Variants in ARHGAP10 observed in about 807,000 individuals in gnomAD.
The protein encoded by ARHGAP10 is rho GTPase-activating protein 10.
In ARHGAP10, 87 loss-of-function variants were observed where a neutral mutation model predicts 108.6. The ratio of observed to expected loss-of-function variants is 0.80; its 90% CI spans 0.67 to 0.96. The LOEUF (loss-of-function observed/expected upper bound fraction) is 0.96, where lower values mean the gene tolerates loss of function less well. ARHGAP10 is among the 40% of genes least tolerant of loss of function. The pLI is 0.00. For missense variants in ARHGAP10, 939 were observed against 954.5 expected, an observed-to-expected ratio of 0.98 and a Z score of 0.21; for synonymous variants, 347 against 341.1, an observed-to-expected ratio of 1.02 and a Z score of -0.19.
chr4:147,777,425 A>C (rs1730345443), intron 1 of ARHGAP10, among the ~76,000 whole-genome samples: 1 of 151,676 alleles, frequency 6.6e-6, no homozygotes, highest in Non-Finnish European at 1.5e-5. Context: ...TGCCTGGCTA[A>C]TTTTTTTGTA....
intron 1 of ARHGAP10, among the ~76,000 whole-genome samples, chr4:147,740,416 G>A (rs1361791204): frequency 1.3e-5 from 2 of 152,142 alleles, no homozygotes; most frequent in African/African-American, 4.8e-5. Flanking sequence ...TCTCTGTAAA[G>A]GGGTGTAACC....
chr4:147,755,148 A>G (rs139769653), intron 1 of ARHGAP10, among the ~76,000 whole-genome samples: 1 of 152,292 alleles, frequency 6.6e-6, no homozygotes, highest in East Asian at 1.9e-4. Context: ...AGGATATAAT[A>G]AAAGCAAACT....
rs973719993 is a variant in ARHGAP10 at position 148,023,080 on chromosome 4, T to A, written c.1717-183T>A. 27 of 524,606 alleles carry A rather than the reference T, an allele frequency of 5.1e-5. No homozygotes were observed. The Middle Eastern group carries it at 1.5e-3, about 30-fold the overall frequency. The allele number at this position is 524,606 out of a possible 1,614,324, so 32.5% of individuals were successfully genotyped here. A position where few individuals can be genotyped will look rare whatever the true frequency, so the allele number is the denominator to read the frequency against. On this transcript the variant is annotated intron_variant, in intron 18 of 22. Transcript: ENST00000336498. ...TTAAATTTAATCAGAGATTTTATTT[T>A]GGAATCTTCTGTTAAAAAAATAAAA...
chr4:147,888,705 T>C (rs1735672654), intron 10 of ARHGAP10, among the ~76,000 whole-genome samples: 1 of 152,330 alleles, frequency 6.6e-6, no homozygotes, highest in Admixed American at 6.5e-5. Flanking sequence ...GAGAAACATC[T>C]ATTCTGGTTT....
intron 1 of ARHGAP10, among the ~76,000 whole-genome samples, chr4:147,766,662 A>G (rs1249439706): frequency 3.6e-5 from 5 of 140,234 alleles, no homozygotes; most frequent in Non-Finnish European, 7.7e-5. Context: ...ACACACACCC[A>G]CACACACTGC....
chr4:148,063,537 C>G (rs751266470), intron 21 of ARHGAP10, among the ~76,000 whole-genome samples: 15 of 152,194 alleles, frequency 9.9e-5, no homozygotes, highest in Non-Finnish European at 1.0e-4. Context: ...CCTACTCTGT[C>G]TTTGTGGTGC....
intron 19 of ARHGAP10, among the ~76,000 whole-genome samples, chr4:148,024,239 C>T (rs1347218223): frequency 6.6e-6 from 1 of 152,214 alleles, no homozygotes; most frequent in Non-Finnish European, 1.5e-5. Flanking sequence ...AGGCCTTCCT[C>T]TTATTGAGAA....
At chr4:147,839,092 G>GTATCTATC (rs139337846) in intron 3 of ARHGAP10, among the ~76,000 whole-genome samples, 227 of 143,892 alleles carry the variant, frequency 1.6e-3, no homozygotes, top group African/African-American at 4.4e-3. Flanking sequence ...TAGATCTATC[G>GTATCTATC]TATCTATCTA....
chr4:148,062,784 AG>A (rs1369944731), intron 20 of ARHGAP10, among the ~76,000 whole-genome samples: 2 of 152,140 alleles, frequency 1.3e-5, no homozygotes, highest in Non-Finnish European at 2.9e-5. Flanking sequence ...GCTTGATGCT[AG>A]ATTCCTGTGG....
chr4:148,064,347 T>G (rs1729761255), intron 21 of ARHGAP10, 69 bp from the exon 22 acceptor site: 27 of 1,382,226 alleles, frequency 2.0e-5, no homozygotes, highest in African/African-American at 2.9e-5. Context: ...GGAAGGGGGG[T>G]TGGGGGGTGA....
chr4:147,967,259 G>A lies in ARHGAP10; in HGVS notation c.1716+420G>A, dbSNP rs141162728. ...AAATAAGGTTGAAGGGATGTGAGAT[G>A]GGGCCAGAGGACCATGAGCATCATT... On this transcript the variant is annotated intron_variant, in intron 18 of 22. Transcript: ENST00000336498. 7.4e-3 allele frequency among the ~76,000 whole-genome samples: 1,135 copies of A among 152,358 alleles called. 12 individuals carry two copies. The highest frequency in any genetic ancestry group is 0.026 in the African/African-American group (1,090 of 41,574).
At position 147,965,194 on chromosome 4, in the gene ARHGAP10, G is replaced by C. The variant is rs149333806; in HGVS notation, c.1556+65G>C. 2.8e-4 allele frequency: 350 copies of C among 1,268,424 alleles called. 2 individuals carry two copies. The African/African-American group carries it at 4.5e-3, about 16-fold the overall frequency. 78.6% of individuals were successfully genotyped at this position (1,268,424 alleles called of 1,614,324 possible). ...CTCTAGGTGCTGGGTAGTGCTCTGG[G>C]ATTTGTGACGGGTGGAACTGGGGAC... is the stretch of plus-strand genomic sequence containing the variant. On this transcript the variant is annotated intron_variant, in intron 17 of 22. Coordinates refer to ENST00000336498, the MANE Select transcript of ARHGAP10 (RefSeq NM_024605.4).
At chr4:148,035,063 G>A (rs1728313360) in intron 19 of ARHGAP10, among the ~76,000 whole-genome samples, 1 of 152,166 alleles carries the variant, frequency 6.6e-6, no homozygotes, top group South Asian at 2.1e-4. Flanking sequence ...AAGAGGTAGA[G>A]GTGGTTCCTG....
At chr4:148,040,252 C>T (rs538270198) in intron 19 of ARHGAP10, among the ~76,000 whole-genome samples, 1 of 152,282 alleles carries the variant, frequency 6.6e-6, no homozygotes, top group East Asian at 1.9e-4. Context: ...TCTCCCAGTC[C>T]CTATTTCCAC....
chr4:147,760,112 A>G (rs1729534422), intron 1 of ARHGAP10, among the ~76,000 whole-genome samples: 1 of 152,124 alleles, frequency 6.6e-6, no homozygotes, highest in African/African-American at 2.4e-5. Context: ...TTCAGTGCCC[A>G]CTAGCCCCAT....
At chr4:148,055,188 C>T (rs558762138) in intron 20 of ARHGAP10, among the ~76,000 whole-genome samples, 4 of 152,142 alleles carry the variant, frequency 2.6e-5, no homozygotes, top group African/African-American at 9.7e-5. Flanking sequence ...AACTTTTGCT[C>T]TAAGAGAGTG....
intron 19 of ARHGAP10, among the ~76,000 whole-genome samples, chr4:148,037,704 G>C (rs1202323367): frequency 6.6e-6 from 1 of 152,002 alleles, no homozygotes; most frequent in Admixed American, 6.6e-5. Context: ...GTGTGGTGGC[G>C]TGTGCCTGTA....
intron 20 of ARHGAP10, among the ~76,000 whole-genome samples, chr4:148,051,043 T>C (rs570963285): frequency 6.6e-6 from 1 of 152,344 alleles, no homozygotes; most frequent in South Asian, 2.1e-4. Flanking sequence ...TGCTAAAATC[T>C]TGTCCACTGG....
chr4:147,882,821 C>A (rs998796419), intron 10 of ARHGAP10, among the ~76,000 whole-genome samples: 1 of 152,126 alleles, frequency 6.6e-6, no homozygotes, highest in African/African-American at 2.4e-5. Context: ...ATTTCTATGT[C>A]CTCCAGTAGC....
Sources: gnomAD v4.1 joint callset for allele counts (sites outside exome capture counted in the v4.1 genomes callset) on GRCh38, gnomAD v4.1.1 for gene constraint, MANE v1.5 for transcripts, NCBI Gene and HGNC (gene_info 2026-07-23, HGNC 2026-07-21) for gene names.